LIN28B: variants seen among roughly 807,000 people sequenced by gnomAD.
LIN28B encodes the protein protein lin-28 homolog B.
In LIN28B, 5 loss-of-function variants were observed where a neutral mutation model predicts 21.9. That is an observed-to-expected ratio of 0.23 (90% CI 0.12 to 0.48). The LOEUF is 0.48. Ranked by LOEUF, LIN28B falls within the 20% of genes least tolerant of loss-of-function variation. The probability of loss-of-function intolerance (pLI) is 0.98; values close to 1 mark genes in which losing one functional copy is unlikely to be tolerated. For synonymous variants in LIN28B, 109 were observed against 111.3 expected, an observed-to-expected ratio of 0.98 and a Z score of 0.13; for missense variants, 245 against 310.5, an observed-to-expected ratio of 0.79 and a Z score of 1.58.
At chr6:105,039,199 TGTG>T (rs1324059800) in intron 3 of LIN28B, among the ~76,000 whole-genome samples, 4 of 152,182 alleles carry the variant, frequency 2.6e-5, no homozygotes, top group South Asian at 4.1e-4. Flanking sequence ...ACTTTTGAGT[TGTG>T]GTGTGTGTAT....
chr6:105,074,833 G>GA lies in LIN28B; in HGVS notation c.384-3581_384-3580insA, dbSNP rs1365331488. Among the ~76,000 whole-genome samples, 8 of 152,148 alleles carry GA rather than the reference G, an allele frequency of 5.3e-5. No individual in the cohort carries two copies. In the South Asian group the frequency reaches 1.4e-3, roughly 28 times the overall value. On this transcript the variant is annotated intron_variant, in intron 3 of 3. Transcript: ENST00000345080. Reference sequence around the variant, plus strand: ...CAATTCTCCTGCCCCAGCCTCCTGAGTAGCTGGAACTACAGGTGTGCCCCG... The same window carrying GA: ...CAATTCTCCTGCCCCAGCCTCCTGAGATAGCTGGAACTACAGGTGTGCCCCG...
chr6:105,015,985 A>G (rs1400962201), intron 2 of LIN28B, among the ~76,000 whole-genome samples: 1 of 152,184 alleles, frequency 6.6e-6, no homozygotes, highest in Non-Finnish European at 1.5e-5. Flanking sequence ...CTGCCACTCC[A>G]TGTAAAATCA....
chr6:104,958,924 T>C (rs1769652827), intron 2 of LIN28B, among the ~76,000 whole-genome samples: 1 of 152,178 alleles, frequency 6.6e-6, no homozygotes, highest in African/African-American at 2.4e-5. Flanking sequence ...GGTCTACGTA[T>C]ACTGTCTCTT....
chr6:105,008,712 T>G (rs1770865326), intron 2 of LIN28B, among the ~76,000 whole-genome samples: 1 of 152,214 alleles, frequency 6.6e-6, no homozygotes, highest in Non-Finnish European at 1.5e-5. Flanking sequence ...ATAACAACTT[T>G]ATTTTTCTTA....
intron 3 of LIN28B, among the ~76,000 whole-genome samples, chr6:105,047,252 C>T (rs1288744760): frequency 6.6e-6 from 1 of 152,164 alleles, no homozygotes. Context: ...CCAGTTTTCC[C>T]AGCACCATTT....
At chr6:104,984,254 G>A (rs1770286422) in intron 2 of LIN28B, among the ~76,000 whole-genome samples, 1 of 152,140 alleles carries the variant, frequency 6.6e-6, no homozygotes, top group Non-Finnish European at 1.5e-5. Flanking sequence ...TTTTTCTCCA[G>A]AGGAATAATT....
chr6:104,977,884 T>C lies in LIN28B; in HGVS notation c.198+19598T>C, dbSNP rs1770134520. 2.0e-5 allele frequency among the ~76,000 whole-genome samples: 3 copies of C among 152,218 alleles called. No individual in the cohort carries two copies. The South Asian group carries it at 6.2e-4, about 32-fold the overall frequency. On this transcript the variant is annotated intron_variant, in intron 2 of 3. Coordinates refer to ENST00000345080, the MANE Select transcript of LIN28B (RefSeq NM_001004317.4). ...CCCGACCAGGTGTATGCCTTTCTTA[T>C]AATTCCTACTGCAGAACATTTCTTG...
chr6:104,959,844 T>C (rs1769693545), intron 2 of LIN28B, among the ~76,000 whole-genome samples: 1 of 152,224 alleles, frequency 6.6e-6, no homozygotes, highest in Admixed American at 6.5e-5. Flanking sequence ...AAATTTGTTT[T>C]ATAGATGAAT....
chr6:105,004,206 T>TG (rs1215376142), intron 2 of LIN28B, among the ~76,000 whole-genome samples: 1 of 151,956 alleles, frequency 6.6e-6, no homozygotes. Context: ...AGATTAAGGG[T>TG]GGGTCTGCCT....
At chr6:105,036,406 A>T (rs1042021456) in intron 3 of LIN28B, among the ~76,000 whole-genome samples, 3 of 152,134 alleles carry the variant, frequency 2.0e-5, no homozygotes, top group African/African-American at 7.2e-5. Flanking sequence ...ATTCTATCCC[A>T]AGTTTCTTTA....
rs569731645 is a variant in LIN28B, at chr6:105,037,684, A to AT, written c.383+11211dup. The stretch of plus-strand genomic sequence containing the variant: ...TGCACCACCACACCCTAATTTTTGT[A>AT]TTTTTTTTTAGAGACTGGGTTTTGC... On this transcript the variant is annotated intron_variant, in intron 3 of 3. Transcript: ENST00000345080. Among the ~76,000 whole-genome samples the AT allele has an allele frequency of 5.4e-5, 8 of 149,174 alleles. No individual in the cohort carries two copies. In the South Asian group the frequency reaches 6.4e-4, roughly 12 times the overall value.
intron 3 of LIN28B, among the ~76,000 whole-genome samples, chr6:105,042,032 C>T (rs980591170): frequency 2.0e-5 from 3 of 152,104 alleles, no homozygotes; most frequent in African/African-American, 7.2e-5. Flanking sequence ...CACAAAAGTT[C>T]AGAATTAATT....
intron 3 of LIN28B, among the ~76,000 whole-genome samples, chr6:105,069,770 A>G (rs1405661652): frequency 6.6e-6 from 1 of 152,096 alleles, no homozygotes; most frequent in African/African-American, 2.4e-5. Flanking sequence ...GATAAATTAT[A>G]AATTGAACAG....
intron 2 of LIN28B, among the ~76,000 whole-genome samples, chr6:104,977,102 A>AT (rs1770114394): frequency 6.6e-6 from 1 of 151,790 alleles, no homozygotes; most frequent in South Asian, 2.1e-4. Flanking sequence ...ATAGCTCACT[A>AT]TGTATAATCT....
chr6:105,025,114 C>T (rs1038806159), intron 2 of LIN28B, among the ~76,000 whole-genome samples: 1 of 151,416 alleles, frequency 6.6e-6, no homozygotes, highest in South Asian at 2.1e-4. Context: ...TTTGAATTTA[C>T]AAATGAACAG....
intron 2 of LIN28B, among the ~76,000 whole-genome samples, chr6:105,022,399 ATTGTACAT>A (rs912910678): frequency 6.6e-6 from 1 of 152,186 alleles, no homozygotes; most frequent in Non-Finnish European, 1.5e-5. Context: ...TTCAGGGGAA[ATTGTACAT>A]TTTTAGGCAT....
rs550812816 is a variant in LIN28B at position 105,065,089 on chromosome 6, A to G, written c.384-13325A>G. Among the ~76,000 whole-genome samples, 107 of 152,272 alleles carry G rather than the reference A, an allele frequency of 7.0e-4. 1 individual carries two copies. In the South Asian group the frequency reaches 0.011, roughly 16 times the overall value. Reference sequence around the variant, plus strand: ...CTTCCCATACTTACCTTCAGATTTTACCTCCACCAGTGGCTGTGTATTCAC... The same window carrying G: ...CTTCCCATACTTACCTTCAGATTTTGCCTCCACCAGTGGCTGTGTATTCAC... On this transcript the variant is annotated intron_variant, in intron 3 of 3. Transcript: ENST00000345080.
intron 2 of LIN28B, 32 bp downstream of exon 2, chr6:104,958,318 C>T (rs1357112202): frequency 1.3e-6 from 2 of 1,514,438 alleles, no homozygotes; most frequent in South Asian, 2.6e-5. Flanking sequence ...CCCTCTTCAT[C>T]TTTTTCCATG....
rs950611935 is a variant in LIN28B, at chr6:104,995,050, G to A, written c.199-31248G>A. 2.6e-5 allele frequency among the ~76,000 whole-genome samples: 4 copies of A among 152,114 alleles called. No homozygotes were observed. In the East Asian group the frequency reaches 5.8e-4, roughly 22 times the overall value. Reference sequence around the variant, plus strand: ...GAGCATTTTGGATTTTGGGGATTAGGGATGCTCAGCTGGTAAGTATAATGC... The same window carrying A: ...GAGCATTTTGGATTTTGGGGATTAGAGATGCTCAGCTGGTAAGTATAATGC... On this transcript the variant is annotated intron_variant, in intron 2 of 3. Coordinates refer to ENST00000345080, the MANE Select transcript of LIN28B (RefSeq NM_001004317.4).
Sources: allele counts gnomAD v4.1 joint callset (sites outside exome capture counted in the v4.1 genomes callset), GRCh38; gene constraint gnomAD v4.1.1; transcripts MANE v1.5; gene names NCBI Gene and HGNC (gene_info 2026-07-23, HGNC 2026-07-21).